ANKS1B: variants seen among roughly 807,000 people sequenced by gnomAD.
ANKS1B encodes ankyrin repeat and sterile alpha motif domain-containing protein 1B.
In ANKS1B, 36 loss-of-function variants were observed where a neutral mutation model predicts 148.3. The observed-to-expected ratio is 0.24, with a 90% CI of 0.19 to 0.32. The LOEUF is 0.32. Among genes scored for constraint, ANKS1B ranks in the 10% least tolerant of loss-of-function variants. ANKS1B has a pLI of 1.00. For synonymous variants in ANKS1B, 542 were observed against 560.8 expected, an observed-to-expected ratio of 0.97 and a Z score of 0.47; for missense variants, 1,157 against 1,542.6, an observed-to-expected ratio of 0.75 and a Z score of 4.19.
chr12:99,399,718 T>C lies in ANKS1B; in HGVS notation c.1669A>G (p.Thr557Ala). The C allele has an allele frequency of 1.2e-6, 2 of 1,613,608 alleles. No homozygotes were observed. The highest frequency in any genetic ancestry group is 1.7e-6 in the Non-Finnish European group (2 of 1,179,560). ...YFEINTSTGC[T>A]SFTASPPASP... ...GCAGGAGGACTGGCAGTAAAGCTTG[T>C]GCACCCTGTAGATGTGTTGATTTCA... Residue 557 changes from threonine to alanine, a missense_variant, in exon 12 of 27, where the codon ACA becomes GCA. By Grantham distance (58) the Thr-to-Ala change is moderately conservative (BLOSUM62 0). Around this residue, in one of 6 missense-constraint regions of ANKS1B, gnomAD observed 661 missense variants for 642.1 expected, o/e 1.03. Coordinates refer to ENST00000683438, the MANE Select transcript of ANKS1B (RefSeq NM_001352186.2).
At chr12:99,099,024 T>C (rs1023784187) in intron 15 of ANKS1B, among the ~76,000 whole-genome samples, 1 of 152,032 alleles carries the variant, frequency 6.6e-6, no homozygotes, top group Non-Finnish European at 1.5e-5. Context: ...CCAGGATGGG[T>C]TCTGCCAGAG....
intron 16 of ANKS1B, among the ~76,000 whole-genome samples, chr12:99,080,988 T>C (rs2049521486): frequency 6.6e-6 from 1 of 152,196 alleles, no homozygotes; most frequent in Non-Finnish European, 1.5e-5. Context: ...AAGTAGACTC[T>C]GGGTGAAAAC....
At chr12:99,924,632 C>T (rs1322251945) in intron 1 of ANKS1B, among the ~76,000 whole-genome samples, 1 of 152,014 alleles carries the variant, frequency 6.6e-6, no homozygotes, top group Admixed American at 6.6e-5. Context: ...ACAGCAAAGC[C>T]CTCACGAATG....
At chr12:99,858,413 T>C (rs2089522478) in intron 1 of ANKS1B, among the ~76,000 whole-genome samples, 1 of 152,150 alleles carries the variant, frequency 6.6e-6, no homozygotes, top group African/African-American at 2.4e-5. Context: ...GGAACACTTT[T>C]ACACTGTTGG....
At chr12:99,396,487 T>C (rs1567021833) in intron 12 of ANKS1B, among the ~76,000 whole-genome samples, 1 of 152,206 alleles carries the variant, frequency 6.6e-6, no homozygotes. Flanking sequence ...GGAGGTGATA[T>C]ATTATCTTAG....
At chr12:99,166,776 T>C (rs1356365458) in intron 14 of ANKS1B, among the ~76,000 whole-genome samples, 1 of 152,040 alleles carries the variant, frequency 6.6e-6, no homozygotes, top group Admixed American at 6.6e-5. Context: ...CTAAATTTCA[T>C]ATGAAGTGCA....
intron 4 of ANKS1B, among the ~76,000 whole-genome samples, chr12:99,801,636 G>A (rs1258721629): frequency 6.6e-6 from 1 of 152,148 alleles, no homozygotes; most frequent in Non-Finnish European, 1.5e-5. Context: ...AGAGAAAGGG[G>A]ATGGTAAGGA....
At chr12:99,013,465 C>T (rs1223422841) in intron 17 of ANKS1B, among the ~76,000 whole-genome samples, 2 of 152,078 alleles carry the variant, frequency 1.3e-5, no homozygotes, top group African/African-American at 4.8e-5. Context: ...GACAAGGATG[C>T]CCTCTCTTAC....
At chr12:99,283,681 C>T (rs2078759058) in intron 12 of ANKS1B, among the ~76,000 whole-genome samples, 2 of 152,160 alleles carry the variant, frequency 1.3e-5, no homozygotes, top group African/African-American at 4.8e-5. Flanking sequence ...GCTGTTAAAA[C>T]CTATTGTTGT....
At chr12:99,707,360 A>G (rs1012475945) in intron 8 of ANKS1B, among the ~76,000 whole-genome samples, 4 of 152,148 alleles carry the variant, frequency 2.6e-5, no homozygotes, top group Non-Finnish European at 5.9e-5. Flanking sequence ...TAAAGAATTT[A>G]AACAAATTAC....
chr12:99,963,390 G>A (rs1280595077), intron 1 of ANKS1B, among the ~76,000 whole-genome samples: 1 of 152,094 alleles, frequency 6.6e-6, no homozygotes, highest in East Asian at 1.9e-4. Context: ...TCTTCTTAAG[G>A]TAGTAAAACT....
intron 11 of ANKS1B, among the ~76,000 whole-genome samples, chr12:99,405,908 A>C (rs1405396206): frequency 6.9e-6 from 1 of 145,984 alleles, no homozygotes; most frequent in African/African-American, 2.6e-5. Flanking sequence ...ATGACAAAAT[A>C]GATTTCAAGA....
At chr12:99,511,255 C>T (rs1430933025) in intron 9 of ANKS1B, among the ~76,000 whole-genome samples, 1 of 151,828 alleles carries the variant, frequency 6.6e-6, no homozygotes, top group Non-Finnish European at 1.5e-5. Flanking sequence ...TTATCAATGG[C>T]CTTTTCTGCA....
intron 10 of ANKS1B, among the ~76,000 whole-genome samples, chr12:99,449,849 C>T (rs575229590): frequency 4.6e-5 from 7 of 152,200 alleles, no homozygotes; most frequent in South Asian, 4.1e-4. Context: ...AGACATTGTA[C>T]TGTTCAAAGT....
rs752093489 is a variant in ANKS1B, at chr12:99,407,125, C to T, written c.1576-7314G>A. 2.7e-4 allele frequency among the ~76,000 whole-genome samples: 39 copies of T among 145,488 alleles called. 2 individuals are homozygous for T. Among genetic ancestry groups the T allele is most frequent in the Admixed American group, 2.1e-3 (31 of 14,606 alleles). On this transcript the variant is annotated intron_variant, in intron 11 of 26. Transcript: ENST00000683438. ...CCTGATGCATGTTGATGCAAAAATT[C>T]TCAACAAAATACTAGCAAACCAAAT...
At chr12:99,481,434 C>G (rs766441145) in intron 10 of ANKS1B, among the ~76,000 whole-genome samples, 11 of 151,812 alleles carry the variant, frequency 7.2e-5, no homozygotes, top group Non-Finnish European at 1.6e-4. Context: ...TCTTTATCCA[C>G]TCATTAGTTG....
intron 12 of ANKS1B, among the ~76,000 whole-genome samples, chr12:99,273,164 C>T (rs768240379): frequency 4.5e-4 from 69 of 152,150 alleles, no homozygotes; most frequent in Non-Finnish European, 8.7e-4. Flanking sequence ...CTTAGTTCTA[C>T]TTTCTGGGTT....
At chr12:98,816,013 C>G (rs2099136786) in intron 19 of ANKS1B, among the ~76,000 whole-genome samples, 2 of 152,108 alleles carry the variant, frequency 1.3e-5, no homozygotes, top group African/African-American at 4.8e-5. Flanking sequence ...GGTACCCACA[C>G]TGCTCTACCT....
intron 17 of ANKS1B, among the ~76,000 whole-genome samples, chr12:98,949,103 C>A (rs1314226234): frequency 6.6e-6 from 1 of 151,712 alleles, no homozygotes. Context: ...CAGGCACGTG[C>A]CAACACACCC....
Sources: allele counts gnomAD v4.1 joint callset (sites outside exome capture counted in the v4.1 genomes callset), GRCh38; gene constraint gnomAD v4.1.1; regional missense constraint gnomAD v4.1.1; transcripts MANE v1.5; gene names NCBI Gene and HGNC (gene_info 2026-07-23, HGNC 2026-07-21).